Variants in DGKI observed in about 807,000 individuals in gnomAD.
DGKI encodes DAG kinase iota.
A neutral mutation model predicts 147.5 loss-of-function variants in DGKI; 55 were observed. That is an observed-to-expected ratio of 0.37 (90% CI 0.30 to 0.47). The LOEUF is 0.47. DGKI is among the 20% of genes least tolerant of loss of function. The pLI is 1.00. For missense variants in DGKI, 1,007 were observed against 1,323.8 expected (o/e 0.76, Z 3.71); for synonymous variants, 469 against 477.1 (o/e 0.98, Z 0.22).
At chr7:137,425,236 T>C (rs888369669) in intron 28 of DGKI, among the ~76,000 whole-genome samples, 4 of 152,170 alleles carry the variant, frequency 2.6e-5, no homozygotes, top group Non-Finnish European at 4.4e-5. Context: ...GCATTTGTGG[T>C]TCACGAAAAT....
intron 28 of DGKI, among the ~76,000 whole-genome samples, chr7:137,440,720 G>A (rs1225446143): frequency 6.6e-6 from 1 of 152,202 alleles, no homozygotes; most frequent in Non-Finnish European, 1.5e-5. Context: ...AAGGCAGTTG[G>A]AGCATGCGAG....
chr7:137,427,544 T>TTGCAGAAGGCAAG (rs1475117796), intron 28 of DGKI, among the ~76,000 whole-genome samples: 1 of 151,966 alleles, frequency 6.6e-6, no homozygotes, highest in Non-Finnish European at 1.5e-5. Context: ...AAGAAATAAC[T>TTGCAGAAGGCAAG]AAAATCAGAG....
At chr7:137,471,615 T>G (rs1208090326) in intron 23 of DGKI, among the ~76,000 whole-genome samples, 1 of 152,122 alleles carries the variant, frequency 6.6e-6, no homozygotes, top group Admixed American at 6.5e-5. Context: ...TTAACAAGCC[T>G]TTCAGATAGG....
chr7:137,444,707 CA>C (rs1813645401), intron 27 of DGKI, among the ~76,000 whole-genome samples: 1 of 152,176 alleles, frequency 6.6e-6, no homozygotes, highest in South Asian at 2.1e-4. Context: ...ACAACTTTTG[CA>C]AACTATATGT....
chr7:137,448,911 C>T (rs920675159), intron 27 of DGKI, among the ~76,000 whole-genome samples: 2 of 151,194 alleles, frequency 1.3e-5, no homozygotes, highest in Non-Finnish European at 2.9e-5. Context: ...GGTACCACCG[C>T]ACTAGGAAAA....
chr7:137,815,653 A>T (rs1234583271), intron 1 of DGKI, among the ~76,000 whole-genome samples: 1 of 152,212 alleles, frequency 6.6e-6, no homozygotes, highest in East Asian at 1.9e-4. Context: ...ATGAAGATGT[A>T]GGCCTGTGGA....
At chr7:137,527,174 C>T (rs1817179373) in intron 20 of DGKI, among the ~76,000 whole-genome samples, 1 of 152,012 alleles carries the variant, frequency 6.6e-6, no homozygotes, top group African/African-American at 2.4e-5. Context: ...ATGTAGTGAG[C>T]ACTAAATGAG....
intron 1 of DGKI, among the ~76,000 whole-genome samples, chr7:137,723,648 G>A (rs1229275777): frequency 6.9e-6 from 1 of 145,300 alleles, no homozygotes; most frequent in Non-Finnish European, 1.5e-5. Context: ...TGAAGAACAA[G>A]ATCAAGAGTA....
At chr7:137,675,476 G>A (rs989310665) in intron 3 of DGKI, among the ~76,000 whole-genome samples, 7 of 144,594 alleles carry the variant, frequency 4.8e-5, no homozygotes, top group African/African-American at 1.7e-4. Flanking sequence ...CCTGAGGTCA[G>A]GAGTTTGAGA....
intron 19 of DGKI, 149 bp downstream of exon 19, chr7:137,571,026 T>C (rs1310514205): frequency 3.4e-6 from 2 of 581,294 alleles, no homozygotes; most frequent in South Asian, 2.8e-5. Context: ...AAATGATGAT[T>C]TTTTTTCTTG....
intron 21 of DGKI, chr7:137,493,644 A>G (rs372727583): frequency 8.9e-6 from 6 of 672,206 alleles, no homozygotes; most frequent in South Asian, 5.0e-5. Flanking sequence ...ACAACACCAA[A>G]GAAAATGAAA....
At chr7:137,498,346 G>C (rs930143809) in intron 21 of DGKI, among the ~76,000 whole-genome samples, 1 of 151,588 alleles carries the variant, frequency 6.6e-6, no homozygotes, top group African/African-American at 2.4e-5. Context: ...CCCATAATAC[G>C]AGTCTCAAAA....
chr7:137,667,120 C>A (rs1563140726), intron 3 of DGKI, among the ~76,000 whole-genome samples: 1 of 152,062 alleles, frequency 6.6e-6, no homozygotes, highest in Non-Finnish European at 1.5e-5. Context: ...TTTACACGCT[C>A]TTCAAGGTTA....
At chr7:137,653,266 ATTC>A (rs1822101884) in intron 5 of DGKI, among the ~76,000 whole-genome samples, 2 of 152,224 alleles carry the variant, frequency 1.3e-5, no homozygotes, top group Non-Finnish European at 2.9e-5. Flanking sequence ...TACCAACGTT[ATTC>A]TTAGTTCACG....
At chr7:137,596,001 C>CAAAAAAAAAAAAAAAAAAA (rs71177914) in intron 12 of DGKI, among the ~76,000 whole-genome samples, 29 of 44,398 alleles carry the variant, frequency 6.5e-4, no homozygotes, top group South Asian at 1.4e-3. Context: ...GACTCCGTCT[C>CAAAAAAAAAAAAAAAAAAA]AAAAAAAAAA....
intron 28 of DGKI, among the ~76,000 whole-genome samples, chr7:137,428,242 T>A (rs904689019): frequency 6.6e-6 from 1 of 151,660 alleles, no homozygotes; most frequent in Non-Finnish European, 1.5e-5. Context: ...CAAGGCTGGT[T>A]CAATATATGC....
intron 3 of DGKI, among the ~76,000 whole-genome samples, chr7:137,657,814 G>T (rs1202929728): frequency 6.6e-6 from 1 of 152,190 alleles, no homozygotes; most frequent in Non-Finnish European, 1.5e-5. Context: ...TTGAAGAGCT[G>T]CAAACCACCA....
intron 19 of DGKI, among the ~76,000 whole-genome samples, chr7:137,567,425 A>T (rs1818627198): frequency 6.6e-6 from 1 of 152,224 alleles, no homozygotes; most frequent in African/African-American, 2.4e-5. Flanking sequence ...CTTACAAAGT[A>T]GATTTGGGGG....
In DGKI at chr7:137,730,565, T is replaced by G. The variant is rs7785935; in HGVS notation, c.402-40563A>C. Among the ~76,000 whole-genome samples the G allele has an allele frequency of 8.9e-3, 1,359 of 152,208 alleles. 18 individuals carry two copies. The highest frequency in any genetic ancestry group is 0.031 in the African/African-American group (1,285 of 41,532). ...TGCCATTTCTCTGCTTTAAACTCCA[T>G]CAAGGCCTCTCCCTCATTTTTGAAA... is the stretch of plus-strand genomic sequence containing the variant. On this transcript the variant is annotated intron_variant, in intron 1 of 32. Coordinates refer to ENST00000614521, the MANE Select transcript of DGKI (RefSeq NM_001321708.2).
Sources: gnomAD v4.1 joint callset for allele counts (sites outside exome capture counted in the v4.1 genomes callset) on GRCh38, gnomAD v4.1.1 for gene constraint, MANE v1.5 for transcripts, NCBI Gene and HGNC (gene_info 2026-07-23, HGNC 2026-07-21) for gene names.